CDKAL1: variants seen among roughly 807,000 people sequenced by gnomAD.
CDKAL1 encodes the protein threonylcarbamoyladenosine tRNA methylthiotransferase.
Under a neutral mutation model 68.2 loss-of-function variants are expected in CDKAL1, and 32 were observed. That is an observed-to-expected ratio of 0.47 (90% CI 0.35 to 0.63). CDKAL1 has a LOEUF of 0.63. CDKAL1 is among the 30% of genes least tolerant of loss of function. The pLI is 0.00. For missense variants in CDKAL1, 606 were observed against 696.7 expected (o/e 0.87, Z 1.47); for synonymous variants, 234 against 244.3 (o/e 0.96, Z 0.39).
At chr6:20,974,528 C>T (rs1203301433) in intron 10 of CDKAL1, among the ~76,000 whole-genome samples, 2 of 152,096 alleles carry the variant, frequency 1.3e-5, no homozygotes, top group African/African-American at 4.8e-5. Context: ...ATTCTTTATT[C>T]TCAGGCTCAC....
chr6:21,028,407 C>T (rs753383552), intron 11 of CDKAL1, among the ~76,000 whole-genome samples: 3 of 152,170 alleles, frequency 2.0e-5, no homozygotes, highest in South Asian at 2.1e-4. Flanking sequence ...TATATTTTCT[C>T]ACCATTTTAG....
At chr6:21,118,096 T>A (rs1274974268) in intron 13 of CDKAL1, among the ~76,000 whole-genome samples, 1 of 152,204 alleles carries the variant, frequency 6.6e-6, no homozygotes, top group East Asian at 1.9e-4. Flanking sequence ...AGAAGAATTT[T>A]CCAATCTCTC....
chr6:20,979,158 G>A (rs1340083766), intron 10 of CDKAL1, among the ~76,000 whole-genome samples: 1 of 152,090 alleles, frequency 6.6e-6, no homozygotes, highest in Admixed American at 6.6e-5. Flanking sequence ...CATATACCAG[G>A]TCATTGAAAA....
intron 9 of CDKAL1, among the ~76,000 whole-genome samples, chr6:20,910,487 G>T (rs937913663): frequency 6.6e-6 from 1 of 152,156 alleles, no homozygotes; most frequent in Admixed American, 6.5e-5. Context: ...AAATAGATTC[G>T]TGGTGCAGAA....
At chr6:20,867,095 AT>A (rs1759948288) in intron 9 of CDKAL1, among the ~76,000 whole-genome samples, 1 of 152,154 alleles carries the variant, frequency 6.6e-6, no homozygotes, top group African/African-American at 2.4e-5. Context: ...TGAGGCTTCA[AT>A]TTGTGTTTGA....
chr6:21,168,837 C>T (rs1195316130), intron 13 of CDKAL1, among the ~76,000 whole-genome samples: 2 of 152,210 alleles, frequency 1.3e-5, no homozygotes, highest in Non-Finnish European at 2.9e-5. Context: ...TAATTCGCAT[C>T]TATCTCTGTT....
At chr6:20,595,871 T>G (rs1226357778) in intron 4 of CDKAL1, among the ~76,000 whole-genome samples, 2 of 152,252 alleles carry the variant, frequency 1.3e-5, no homozygotes, top group South Asian at 4.1e-4. Flanking sequence ...GACGTCCTTT[T>G]TGTTGATGTT....
At chr6:21,154,904 A>C (rs1270235528) in intron 13 of CDKAL1, among the ~76,000 whole-genome samples, 1 of 152,090 alleles carries the variant, frequency 6.6e-6, no homozygotes, top group East Asian at 1.9e-4. Flanking sequence ...GAGGCAGGGG[A>C]ATCACTTGAA....
intron 14 of CDKAL1, among the ~76,000 whole-genome samples, 169 bp downstream of exon 14, chr6:21,198,273 A>G (rs1432598503): frequency 1.3e-5 from 2 of 152,212 alleles, no homozygotes; most frequent in African/African-American, 4.8e-5. Flanking sequence ...GACTTACTCT[A>G]CAATATGTTC....
intron 2 of CDKAL1, among the ~76,000 whole-genome samples, chr6:20,540,719 G>A (rs188131874): frequency 2.6e-5 from 4 of 152,344 alleles, no homozygotes; most frequent in African/African-American, 9.6e-5. Flanking sequence ...GCCTCCCAAA[G>A]TGTTGGGATT....
chr6:20,557,839 A>G (rs1764119123), intron 4 of CDKAL1, among the ~76,000 whole-genome samples: 1 of 152,150 alleles, frequency 6.6e-6, no homozygotes, highest in Non-Finnish European at 1.5e-5. Context: ...AGGCATGAGA[A>G]TTGCTTGAAC....
intron 9 of CDKAL1, among the ~76,000 whole-genome samples, chr6:20,928,270 G>A (rs1169206653): frequency 1.3e-5 from 2 of 152,162 alleles, no homozygotes; most frequent in South Asian, 2.1e-4. Context: ...TATTTTGCAA[G>A]TAATTGTTCA....
At chr6:20,963,878 C>T (rs1204697819) in intron 10 of CDKAL1, among the ~76,000 whole-genome samples, 1 of 152,034 alleles carries the variant, frequency 6.6e-6, no homozygotes, top group African/African-American at 2.4e-5. Context: ...ATATAAACAG[C>T]CAAATCATTC....
intron 9 of CDKAL1, among the ~76,000 whole-genome samples, chr6:20,861,323 C>T (rs1024348915): frequency 2.6e-5 from 4 of 152,184 alleles, no homozygotes; most frequent in African/African-American, 9.7e-5. Flanking sequence ...AAGGTCCCGT[C>T]TGATTAACTG....
At chr6:20,734,899 T>A (rs1254730891) in intron 5 of CDKAL1, among the ~76,000 whole-genome samples, 2 of 128,476 alleles carry the variant, frequency 1.6e-5, no homozygotes, top group East Asian at 4.9e-4. Context: ...AGATGGAGTC[T>A]CACTGTGTTG....
chr6:20,971,144 G>A (rs1041856228), intron 10 of CDKAL1, among the ~76,000 whole-genome samples: 3 of 152,120 alleles, frequency 2.0e-5, no homozygotes, highest in African/African-American at 7.2e-5. Flanking sequence ...CACCATGCAC[G>A]GCCTCTCTCC....
Position 20,765,437 on chromosome 6 carries a change from TGAGCC to T in CDKAL1, c.517+6795_517+6799del, listed in dbSNP as rs1774656818. Among the ~76,000 whole-genome samples, 2 of 151,102 alleles carry T rather than the reference TGAGCC, an allele frequency of 1.3e-5. 1 individual carries two copies. The highest frequency in any genetic ancestry group is 1.3e-4 in the Admixed American group (2 of 15,130). Reference sequence around the variant, plus strand: ...TCCCAAAGTGCTGGGATTACAGGCGTGAGCCACCGCGCCCGGCCGGTTACATTCTT... The same window carrying T: ...TCCCAAAGTGCTGGGATTACAGGCGTACCGCGCCCGGCCGGTTACATTCTT... On this transcript the variant is annotated intron_variant, in intron 7 of 15. Coordinates refer to ENST00000274695, the MANE Select transcript of CDKAL1 (RefSeq NM_017774.3).
Position 20,567,893 on chromosome 6 carries a change from T to G in CDKAL1, c.286+19188T>G, listed in dbSNP as rs188808141. 6.7e-4 allele frequency among the ~76,000 whole-genome samples: 101 copies of G among 150,116 alleles called. 1 individual carries two copies. Among genetic ancestry groups the G allele is most frequent in the African/African-American group, 2.3e-3 (95 of 40,644 alleles). ...CATGCCCAGCAAATTTTTTTTTTTTTGAGACGGAGTCTCCCTCTGTCGCCC... is the reference window on the plus strand; with the variant it reads ...CATGCCCAGCAAATTTTTTTTTTTTGGAGACGGAGTCTCCCTCTGTCGCCC... On this transcript the variant is annotated intron_variant, in intron 4 of 15. Transcript: ENST00000274695.
chr6:21,217,622 C>T (rs9466000), intron 15 of CDKAL1, among the ~76,000 whole-genome samples: 21,020 of 152,052 alleles, frequency 0.14, 1,531 homozygotes, highest in East Asian at 0.23. Flanking sequence ...CTCAGCCTCC[C>T]AAGTAGCTGG....
Sources: gnomAD v4.1 joint callset for allele counts (sites outside exome capture counted in the v4.1 genomes callset) on GRCh38, gnomAD v4.1.1 for gene constraint, MANE v1.5 for transcripts, NCBI Gene and HGNC (gene_info 2026-07-23, HGNC 2026-07-21) for gene names.